SNX3: variants seen among roughly 807,000 people sequenced by gnomAD.
SNX3 encodes sorting nexin 3.
SNX3 carries 5 observed loss-of-function variants against 17.7 expected under a neutral mutation model. The observed-to-expected ratio is 0.28, with a 90% CI of 0.15 to 0.59. The LOEUF is 0.59. SNX3 is among the 20% of genes least tolerant of loss of function. The pLI is 0.88. For missense variants in SNX3, 132 were observed against 206.8 expected (o/e 0.64, Z 2.22); for synonymous variants, 91 against 76.5 (o/e 1.19, Z -0.99).
chr6:108,225,724 C>A (rs1774954709), intron 1 of SNX3, among the ~76,000 whole-genome samples: 1 of 151,554 alleles, frequency 6.6e-6, no homozygotes, highest in African/African-American at 2.4e-5. Context: ...TGGTATGAGA[C>A]CAGTATTTTA....
intron 1 of SNX3, among the ~76,000 whole-genome samples, chr6:108,252,681 C>T (rs1189295530): frequency 6.6e-6 from 1 of 151,130 alleles, no homozygotes; most frequent in Non-Finnish European, 1.5e-5. Flanking sequence ...CTCTTTTTCT[C>T]TTTTTTTTTG....
chr6:108,221,563 T>TTG (rs58474961), intron 2 of SNX3, among the ~76,000 whole-genome samples: 1 of 119,824 alleles, frequency 8.3e-6, no homozygotes, highest in Non-Finnish European at 1.6e-5. Context: ...TTTTTTTTTT[T>TTG]GAGACAGGGC....
intron 1 of SNX3, among the ~76,000 whole-genome samples, chr6:108,242,622 C>A (rs963011422): frequency 5.9e-5 from 9 of 152,198 alleles, no homozygotes; most frequent in African/African-American, 2.2e-4. Flanking sequence ...TACACACCTC[C>A]CCTAGAATGT....
chr6:108,242,453 A>G (rs914501999), intron 1 of SNX3, among the ~76,000 whole-genome samples: 2 of 152,184 alleles, frequency 1.3e-5, no homozygotes, highest in Non-Finnish European at 2.9e-5. Flanking sequence ...GGGACCCATA[A>G]TAAGATTAAC....
At chr6:108,250,807 A>G (rs1775832537) in intron 1 of SNX3, among the ~76,000 whole-genome samples, 1 of 152,264 alleles carries the variant, frequency 6.6e-6, no homozygotes, top group African/African-American at 2.4e-5. Context: ...GAAAGCCAAA[A>G]GAAATGCTCC....
chr6:108,225,133 C>G (rs1228698255), intron 1 of SNX3, among the ~76,000 whole-genome samples: 1 of 151,930 alleles, frequency 6.6e-6, no homozygotes, highest in Non-Finnish European at 1.5e-5. Flanking sequence ...TACAAAAAAA[C>G]CAGCCAGACG....
chr6:108,244,153 CT>C (rs1275495010), intron 1 of SNX3, among the ~76,000 whole-genome samples: 5 of 151,298 alleles, frequency 3.3e-5, no homozygotes, highest in Middle Eastern at 6.8e-3. Context: ...TTCTCCCCCG[CT>C]TTTTTTTTCT....
At chr6:108,256,731 A>C (rs1003045730) in intron 1 of SNX3, among the ~76,000 whole-genome samples, 3 of 152,214 alleles carry the variant, frequency 2.0e-5, no homozygotes, top group African/African-American at 7.2e-5. Flanking sequence ...CAGAATATTA[A>C]AGTTATATTA....
At chr6:108,249,075 G>C (rs1775773228) in intron 1 of SNX3, among the ~76,000 whole-genome samples, 1 of 152,116 alleles carries the variant, frequency 6.6e-6, no homozygotes, top group African/African-American at 2.4e-5. Context: ...AAAACATTAA[G>C]ACAGGTGTAA....
chr6:108,247,763 A>G (rs1417493920), intron 1 of SNX3, among the ~76,000 whole-genome samples: 1 of 152,086 alleles, frequency 6.6e-6, no homozygotes, highest in African/African-American at 2.4e-5. Context: ...GAGAAAACAC[A>G]GAGTGAAAGT....
chr6:108,260,627 C>G (rs1236731765), intron 1 of SNX3, 133 bp downstream of exon 1: 4 of 1,015,128 alleles, frequency 3.9e-6, no homozygotes, highest in Non-Finnish European at 5.8e-6. Context: ...GGCTCACGAC[C>G]CCGGCCCGCC....
intron 1 of SNX3, among the ~76,000 whole-genome samples, chr6:108,229,930 A>T (rs1775089367): frequency 6.6e-6 from 1 of 152,210 alleles, no homozygotes. Context: ...GAACAGAAAA[A>T]ATAGAACAGA....
intron 1 of SNX3, among the ~76,000 whole-genome samples, chr6:108,241,143 C>CAAAAAA (rs71274311): frequency 5.9e-5 from 3 of 51,184 alleles, no homozygotes; most frequent in Non-Finnish European, 1.1e-4. Flanking sequence ...GACTCCGTCT[C>CAAAAAA]AAAAAAAAAA....
At position 108,260,817 on chromosome 6, in the gene SNX3, G is replaced by A. The variant is rs1192042837; in HGVS notation, c.105C>T (p.Asn35=). ...PSNFLEIDVS[N]PQTVGVGRGR... is the part of the protein sequence containing the mutation. ...CCCGGCCGACCCCCACCGTTTGCGG[G>A]TTGCTCACATCGATCTCGAGGAAGT... Residue 35 remains asparagine, a synonymous_variant, in exon 1 of 4, where the codon AAC becomes AAT. Coordinates refer to ENST00000230085, the MANE Select transcript of SNX3 (RefSeq NM_003795.6). 9.3e-6 allele frequency: 15 copies of A among 1,613,934 alleles called. No individual in the cohort carries two copies. Among genetic ancestry groups the A allele is most frequent in the Non-Finnish European group, 1.3e-5 (15 of 1,179,884 alleles).
At chr6:108,237,662 C>T (rs954325377) in intron 1 of SNX3, among the ~76,000 whole-genome samples, 3 of 152,040 alleles carry the variant, frequency 2.0e-5, no homozygotes, top group Admixed American at 1.3e-4. Context: ...TGGTGGTGAG[C>T]GCCTGTAATC....
chr6:108,255,699 T>C (rs1412775153), intron 1 of SNX3, among the ~76,000 whole-genome samples: 1 of 152,182 alleles, frequency 6.6e-6, no homozygotes, highest in African/African-American at 2.4e-5. Context: ...CAATAATACA[T>C]GTTTATAATT....
At chr6:108,228,110 T>G (rs1355001696) in intron 1 of SNX3, among the ~76,000 whole-genome samples, 1 of 152,048 alleles carries the variant, frequency 6.6e-6, no homozygotes, top group Non-Finnish European at 1.5e-5. Flanking sequence ...TGAATTTCCA[T>G]GGTTAAAAAT....
At chr6:108,245,723 ATTGT>A (rs978839924) in intron 1 of SNX3, among the ~76,000 whole-genome samples, 8 of 152,138 alleles carry the variant, frequency 5.3e-5, no homozygotes, top group African/African-American at 1.9e-4. Flanking sequence ...CTTTTTTAAA[ATTGT>A]TTGTTGGCCG....
intron 1 of SNX3, among the ~76,000 whole-genome samples, chr6:108,238,079 G>A (rs1775402862): frequency 7.5e-6 from 1 of 134,174 alleles, no homozygotes; most frequent in African/African-American, 3.2e-5. Flanking sequence ...TCCAGCCTGG[G>A]CAACAAAGTG....
Sources: gnomAD v4.1 joint callset for allele counts (sites outside exome capture counted in the v4.1 genomes callset) on GRCh38, gnomAD v4.1.1 for gene constraint, MANE v1.5 for transcripts, NCBI Gene and HGNC (gene_info 2026-07-23, HGNC 2026-07-21) for gene names.